SFSWAP: variants seen among roughly 807,000 people sequenced by gnomAD.
SFSWAP encodes splicing factor, suppressor of white-apricot homolog.
Under a neutral mutation model 100.7 loss-of-function variants are expected in SFSWAP, and 17 were observed. The observed-to-expected ratio is 0.17, with a 90% CI of 0.12 to 0.25. The LOEUF is 0.25. Ranked by LOEUF, SFSWAP falls within the 10% of genes least tolerant of loss-of-function variation. The pLI is 1.00. For synonymous variants in SFSWAP, 504 were observed against 510.1 expected (o/e 0.99, Z 0.16); for missense variants, 1,005 against 1,262.6 (o/e 0.80, Z 3.09).
chr12:131,785,503 G>A (rs2136270158), intron 14 of SFSWAP: 1 of 331,150 alleles, frequency 3.0e-6, no homozygotes, highest in South Asian at 5.3e-5. Flanking sequence ...AAACAAAATG[G>A]AAATAAATGG....
chr12:131,798,980 C>A, intron 16 of SFSWAP, 57 bp from the exon 17 acceptor site: 2 of 1,334,264 alleles, frequency 1.5e-6, no homozygotes, highest in Non-Finnish European at 2.2e-6. Context: ...TGTTCACTGG[C>A]CTTGGCTCAG....
chr12:131,769,703 T>C (rs1883424189), intron 13 of SFSWAP, among the ~76,000 whole-genome samples: 1 of 152,196 alleles, frequency 6.6e-6, no homozygotes, highest in Non-Finnish European at 1.5e-5. Flanking sequence ...CTTGGCTCAC[T>C]GCAACCTCCG....
At chr12:131,792,814 A>G (rs1213169154) in intron 15 of SFSWAP, among the ~76,000 whole-genome samples, 3 of 152,258 alleles carry the variant, frequency 2.0e-5, no homozygotes, top group Non-Finnish European at 1.5e-5. Context: ...AGTCCCACTC[A>G]GAGCTCCCAC....
intron 3 of SFSWAP, among the ~76,000 whole-genome samples, chr12:131,715,776 T>C (rs1355023629): frequency 6.6e-6 from 1 of 152,242 alleles, no homozygotes; most frequent in Non-Finnish European, 1.5e-5. Context: ...GGAGATTTAA[T>C]TGTAGAGCTA....
In SFSWAP at chr12:131,719,484, A is replaced by G; in HGVS notation, c.551A>G (p.Asn184Ser). 7 of 1,614,120 alleles carry G rather than the reference A, an allele frequency of 4.3e-6. No homozygotes were observed. Among genetic ancestry groups the G allele is most frequent in the Non-Finnish European group, 4.2e-6 (5 of 1,180,010 alleles). ...EKNEAENLEE[N>S]EEPFVAPLGL... ...AATGAGGCCGAAAATTTAGAGGAAA[A>G]TGAAGAGCCCTTCGTTGCCCCCTTA... The change falls in exon 4 of 18, where the codon AAT becomes AGT. Residue 184 changes from asparagine (N) to serine (S), a missense_variant. Asn to Ser is a conservative substitution (Grantham distance 46). This residue lies in a region of SFSWAP where 237 missense variants were observed against 337.0 expected (regional missense o/e 0.70). Coordinates refer to ENST00000261674, the MANE Select transcript of SFSWAP (RefSeq NM_004592.4).
rs753952944 is a variant in SFSWAP at position 131,778,207 on chromosome 12, A to G, written c.2285A>G (p.Lys762Arg). ...EEKEKKKKKH[K>R]KRSRTRSRSP... ...AAAGAAAAGAAAAAGAAAAAGCACAAAAAAAGATCTCGAACAAGATCACGT... is the reference window on the plus strand; with the variant it reads ...AAAGAAAAGAAAAAGAAAAAGCACAGAAAAAGATCTCGAACAAGATCACGT... Residue 762 changes from lysine to arginine, a missense_variant, in exon 14 of 18, where the codon AAA becomes AGA. Transcript: ENST00000261674. This position sits in a 1 kb window ranked among gnomAD's most constrained non-coding sequence, Gnocchi z 4.2. 2 of 1,614,178 alleles carry G rather than the reference A, an allele frequency of 1.2e-6. No individual in the cohort carries two copies. The highest frequency in any genetic ancestry group is 1.1e-5 in the South Asian group (1 of 91,084).
chr12:131,753,333 G>A lies in SFSWAP; in HGVS notation c.1292G>A (p.Ser431Asn), dbSNP rs1264203953. The change falls in exon 8 of 18, where the codon AGC (serine) becomes AAC (asparagine). Residue 431 changes from serine to asparagine, a missense_variant. Coordinates refer to ENST00000261674, the MANE Select transcript of SFSWAP (RefSeq NM_004592.4). ...CCCCCAACCACAGCAGAGACTAGCAGCGGGGCCACCTCCACAACCACCACC... is the reference window on the plus strand; with the variant it reads ...CCCCCAACCACAGCAGAGACTAGCAACGGGGCCACCTCCACAACCACCACC... ...LPPPTTAETSSGATSTTTTTS... is the reference protein window; with the variant it reads ...LPPPTTAETSNGATSTTTTTS... 1 of 1,612,496 alleles carries A rather than the reference G, an allele frequency of 6.2e-7. No individual in the cohort carries two copies. Among genetic ancestry groups the A allele is most frequent in the South Asian group, 1.1e-5 (1 of 91,014 alleles).
intron 11 of SFSWAP, among the ~76,000 whole-genome samples, chr12:131,761,921 T>C (rs1397112706): frequency 1.3e-5 from 2 of 152,116 alleles, no homozygotes; most frequent in Non-Finnish European, 2.9e-5. Flanking sequence ...TAGGCCACTC[T>C]TAGAGTGAGT....
chr12:131,745,753 G>C (rs569733446), intron 7 of SFSWAP, among the ~76,000 whole-genome samples: 2 of 148,428 alleles, frequency 1.3e-5, no homozygotes, highest in Non-Finnish European at 3.0e-5. Flanking sequence ...TTTTAGTAAG[G>C]CTTTTTTTTT....
chr12:131,739,978 G>A (rs1380805143), intron 7 of SFSWAP, among the ~76,000 whole-genome samples: 2 of 152,156 alleles, frequency 1.3e-5, no homozygotes, highest in African/African-American at 2.4e-5. Context: ...TACAAGGGCT[G>A]TAGTTCATGA....
rs68047235 is a variant in SFSWAP at position 131,783,792 on chromosome 12, T to TTATATATATA, written c.2409-2650_2409-2641dup. On this transcript the variant is annotated intron_variant, in intron 14 of 17. Coordinates refer to ENST00000261674, the MANE Select transcript of SFSWAP (RefSeq NM_004592.4). ...AGACTCCGTCTCAAAAAAAAACATT[T>TTATATATATA]TATATATATATATATATATATATAT... 5.9e-3 allele frequency: 515 copies of TTATATATATA among 86,646 alleles called. 26 individuals are homozygous for TTATATATATA. The highest frequency in any genetic ancestry group is 0.058 in the East Asian group (103 of 1,766). The allele number at this position is 86,646 out of a possible 1,614,324, so 5.4% of individuals were successfully genotyped here.
intron 7 of SFSWAP, among the ~76,000 whole-genome samples, chr12:131,749,101 C>A (rs1033001020): frequency 6.6e-6 from 1 of 152,170 alleles, no homozygotes; most frequent in African/African-American, 2.4e-5. Context: ...AAATAGGCTT[C>A]GTGTTAGATG....
rs376943899 is a variant in SFSWAP at position 131,798,696 on chromosome 12, C to T, written c.2718-341C>T. 2.4e-3 allele frequency among the ~76,000 whole-genome samples: 367 copies of T among 152,226 alleles called. 5 individuals are homozygous for T. The highest frequency in any genetic ancestry group is 8.3e-3 in the African/African-American group (344 of 41,562). On this transcript the variant is annotated intron_variant, in intron 16 of 17. Coordinates refer to ENST00000261674, the MANE Select transcript of SFSWAP (RefSeq NM_004592.4). The stretch of plus-strand genomic sequence containing the variant: ...CCTGAGGTCAGGAGTTCGAGACCAC[C>T]CTGACCAATATGGTGAAACCCCGTC...
rs143167634 is a variant in SFSWAP, at chr12:131,765,250, C to G, written c.1951+564C>G. The stretch of plus-strand genomic sequence containing the variant: ...GAATAAATTCTGCTCTGCATTAAAG[C>G]AGTCAAATAATGGTTGCTGCATTGT... On this transcript the variant is annotated intron_variant, in intron 12 of 17. Coordinates refer to ENST00000261674, the MANE Select transcript of SFSWAP (RefSeq NM_004592.4). 2.2e-4 allele frequency among the ~76,000 whole-genome samples: 33 copies of G among 152,390 alleles called. No individual in the cohort carries two copies. In the East Asian group the frequency reaches 6.4e-3, roughly 29 times the overall value.
At chr12:131,720,676 A>G (rs1334864218) in intron 4 of SFSWAP, among the ~76,000 whole-genome samples, 3 of 152,166 alleles carry the variant, frequency 2.0e-5, no homozygotes, top group African/African-American at 7.2e-5. Flanking sequence ...CTGCCACTCT[A>G]ATTGAGTTCA....
At chr12:131,787,143 T>C (rs563006578) in intron 15 of SFSWAP, among the ~76,000 whole-genome samples, 2 of 151,918 alleles carry the variant, frequency 1.3e-5, no homozygotes, top group Admixed American at 6.6e-5. Flanking sequence ...TGGAGGGAGG[T>C]TAGCATTCAT....
At chr12:131,735,515 G>A (rs1879921838) in intron 7 of SFSWAP, among the ~76,000 whole-genome samples, 1 of 152,346 alleles carries the variant, frequency 6.6e-6, no homozygotes, top group Non-Finnish European at 1.5e-5. Flanking sequence ...AGACAAGATC[G>A]TAAAGTGTGA....
At chr12:131,774,081 G>C (rs1302717632) in intron 13 of SFSWAP, among the ~76,000 whole-genome samples, 1 of 152,208 alleles carries the variant, frequency 6.6e-6, no homozygotes. Flanking sequence ...ACGAGAGACC[G>C]ACAGGATGAG....
chr12:131,765,307 A>G (rs1229798763), intron 12 of SFSWAP, among the ~76,000 whole-genome samples: 4 of 152,206 alleles, frequency 2.6e-5, no homozygotes, highest in Admixed American at 2.6e-4. Flanking sequence ...ATTTTCTTAA[A>G]TTGCTTTTCC....
Sources: gnomAD v4.1 joint callset for allele counts (sites outside exome capture counted in the v4.1 genomes callset) on GRCh38, gnomAD v4.1.1 for gene constraint, gnomAD v4.1.1 regional missense constraint, Gnocchi (gnomAD v3.1) non-coding constraint, MANE v1.5 for transcripts, NCBI Gene and HGNC (gene_info 2026-07-23, HGNC 2026-07-21) for gene names.